The following ZMAT4 variants were observed in gnomAD, a reference collection of about 807,000 sequenced individuals.
ZMAT4 encodes the protein zinc finger matrin-type protein 4.
ZMAT4 carries 17 observed loss-of-function variants against 28.7 expected under a neutral mutation model. That is an observed-to-expected ratio of 0.59 (90% CI 0.41 to 0.89). ZMAT4 has a LOEUF of 0.89. ZMAT4 is among the 40% of genes least tolerant of loss of function. ZMAT4 has a pLI of 0.00. For missense variants in ZMAT4, 240 were observed against 283.8 expected, an observed-to-expected ratio of 0.85 and a Z score of 1.11; for synonymous variants, 117 against 109.2, an observed-to-expected ratio of 1.07 and a Z score of -0.44.
chr8:40,858,396 A>G (rs1277286776), intron 1 of ZMAT4, among the ~76,000 whole-genome samples: 3 of 152,178 alleles, frequency 2.0e-5, no homozygotes, highest in Admixed American at 1.3e-4. Context: ...CATGTGCAAA[A>G]CAGATCCTCA....
chr8:40,683,174 G>T (rs1481459386), intron 4 of ZMAT4, among the ~76,000 whole-genome samples: 1 of 152,158 alleles, frequency 6.6e-6, no homozygotes, highest in Non-Finnish European at 1.5e-5. Context: ...TTACATAAGA[G>T]AAGAAATCAC....
At chr8:40,759,904 A>C (rs1025760943) in intron 3 of ZMAT4, among the ~76,000 whole-genome samples, 2 of 152,182 alleles carry the variant, frequency 1.3e-5, no homozygotes, top group South Asian at 4.1e-4. Context: ...AAGGCCAGAC[A>C]CAAACTCTCC....
At chr8:40,856,372 A>AAG (rs1054778830) in intron 1 of ZMAT4, among the ~76,000 whole-genome samples, 1 of 152,142 alleles carries the variant, frequency 6.6e-6, no homozygotes, top group African/African-American at 2.4e-5. Flanking sequence ...AAGCAAAAGG[A>AAG]AGAGAGAACT....
At chr8:40,866,739 G>A (rs901922402) in intron 1 of ZMAT4, among the ~76,000 whole-genome samples, 4 of 152,170 alleles carry the variant, frequency 2.6e-5, no homozygotes, top group African/African-American at 7.2e-5. Context: ...GCAAGCACCC[G>A]GGGAGTCCTC....
intron 5 of ZMAT4, among the ~76,000 whole-genome samples, chr8:40,649,072 C>A (rs1807497273): frequency 6.7e-6 from 1 of 149,852 alleles, no homozygotes; most frequent in African/African-American, 2.5e-5. Context: ...TCATATATAA[C>A]AATATTAACT....
intron 3 of ZMAT4, among the ~76,000 whole-genome samples, chr8:40,731,665 A>G (rs72641504): frequency 0.075 from 11,411 of 152,302 alleles, 626 homozygotes; most frequent in Non-Finnish European, 0.12. Context: ...CAAACACTTG[A>G]AAACAGCTGT....
intron 5 of ZMAT4, among the ~76,000 whole-genome samples, chr8:40,651,449 C>G (rs1807645455): frequency 6.6e-6 from 1 of 151,462 alleles, no homozygotes; most frequent in African/African-American, 2.4e-5. Context: ...AATGGAAGAA[C>G]ATTCCATGCT....
chr8:40,767,678 TCC>T lies in ZMAT4; in HGVS notation c.153_154del (p.Asp52TrpfsTer15). ...GAGCCTCTTGGCAGGACACCCTCCATCCCTGGGGTGAAGCATGTAATACAGTC... is the reference window on the plus strand; with the variant it reads ...GAGCCTCTTGGCAGGACACCCTCCATCTGGGGTGAAGCATGTAATACAGTC... On this transcript the variant is annotated frameshift_variant, in exon 3 of 7. Coordinates refer to ENST00000297737, the MANE Select transcript of ZMAT4 (RefSeq NM_024645.3). LOFTEE classifies it high-confidence loss of function. The T allele has an allele frequency of 2.5e-6, 4 of 1,613,200 alleles. No homozygotes were observed. Among genetic ancestry groups the T allele is most frequent in the African/African-American group, 1.3e-5 (1 of 74,958 alleles).
At chr8:40,648,299 C>T (rs368322584) in intron 5 of ZMAT4, among the ~76,000 whole-genome samples, 4 of 151,008 alleles carry the variant, frequency 2.6e-5, no homozygotes, top group East Asian at 2.0e-4. Flanking sequence ...GGAGCCGATG[C>T]GATCAACTGG....
intron 2 of ZMAT4, among the ~76,000 whole-genome samples, chr8:40,772,019 G>A (rs1813408371): frequency 6.6e-6 from 1 of 152,088 alleles, no homozygotes; most frequent in South Asian, 2.1e-4. Context: ...CAGAGTTTCA[G>A]GGGGAAAAAA....
chr8:40,591,509 CT>C (rs1295816212), intron 5 of ZMAT4, among the ~76,000 whole-genome samples: 1 of 152,168 alleles, frequency 6.6e-6, no homozygotes, highest in African/African-American at 2.4e-5. Context: ...CCAGTTTGTC[CT>C]CCTGGGCTCC....
chr8:40,836,400 C>T (rs750224444), intron 1 of ZMAT4, among the ~76,000 whole-genome samples: 2 of 152,114 alleles, frequency 1.3e-5, no homozygotes, highest in African/African-American at 2.4e-5. Context: ...CAACTGCACT[C>T]CTAATTTCAG....
intron 6 of ZMAT4, among the ~76,000 whole-genome samples, chr8:40,577,178 G>C (rs1804294967): frequency 6.6e-6 from 1 of 151,818 alleles, no homozygotes. Flanking sequence ...TGGGGAACAA[G>C]AGTGAAACTC....
rs138044188 is a variant in ZMAT4 at position 40,669,783 on chromosome 8, A to C, written c.577+4921T>G. On this transcript the variant is annotated intron_variant, in intron 5 of 6. Transcript: ENST00000297737. The stretch of plus-strand genomic sequence containing the variant: ...GTTATTTGCAGATTTTCAACCGTGT[A>C]GGGGGTTGGTGCCCCTGATCCTTGT... Among the ~76,000 whole-genome samples, 815 of 152,308 alleles carry C rather than the reference A, an allele frequency of 5.4e-3. 7 individuals carry two copies. Among genetic ancestry groups the C allele is most frequent in the African/African-American group, 0.019 (783 of 41,560 alleles).
At chr8:40,708,148 A>G (rs552519645) in intron 3 of ZMAT4, among the ~76,000 whole-genome samples, 4 of 152,352 alleles carry the variant, frequency 2.6e-5, no homozygotes, top group Admixed American at 2.0e-4. Flanking sequence ...TGCTATCAGC[A>G]TCTGTGCAGG....
chr8:40,794,739 T>A (rs1054659683), intron 2 of ZMAT4, among the ~76,000 whole-genome samples: 9 of 152,144 alleles, frequency 5.9e-5, no homozygotes, highest in Non-Finnish European at 1.3e-4. Flanking sequence ...AGGTCAGGCA[T>A]GTCCCTCCCC....
At chr8:40,834,107 A>G (rs1397955118) in intron 1 of ZMAT4, among the ~76,000 whole-genome samples, 2 of 152,138 alleles carry the variant, frequency 1.3e-5, no homozygotes, top group Non-Finnish European at 2.9e-5. Context: ...TTGATTCCTG[A>G]CTCAGAGGCA....
At chr8:40,661,341 C>A (rs1323367576) in intron 5 of ZMAT4, among the ~76,000 whole-genome samples, 2 of 152,216 alleles carry the variant, frequency 1.3e-5, no homozygotes, top group African/African-American at 4.8e-5. Flanking sequence ...CCCAGGCAAT[C>A]CACCTGCCTT....
chr8:40,668,427 G>A (rs1440482358), intron 5 of ZMAT4, among the ~76,000 whole-genome samples: 6 of 138,586 alleles, frequency 4.3e-5, no homozygotes, highest in Admixed American at 1.6e-4. Flanking sequence ...CCAAGATAGC[G>A]CCACTGCACT....
Sources: gnomAD v4.1 joint callset for allele counts (sites outside exome capture counted in the v4.1 genomes callset) on GRCh38, gnomAD v4.1.1 for gene constraint, MANE v1.5 for transcripts, NCBI Gene and HGNC (gene_info 2026-07-23, HGNC 2026-07-21) for gene names.